TLCD4: variants seen among roughly 807,000 people sequenced by gnomAD.
TLCD4 encodes TLC domain containing 4, also known as TLC domain-containing protein 4.
In TLCD4, 7 loss-of-function variants were observed where a neutral mutation model predicts 24.2. The observed-to-expected ratio is 0.29, with a 90% CI of 0.16 to 0.54. TLCD4 has a LOEUF of 0.54. TLCD4 is among the 20% of genes least tolerant of loss of function. The pLI, the probability that TLCD4 is intolerant of heterozygous loss-of-function variation, is 0.95. For synonymous variants in TLCD4, 103 were observed against 106.4 expected, an observed-to-expected ratio of 0.97 and a Z score of 0.20; for missense variants, 259 against 313.9, an observed-to-expected ratio of 0.82 and a Z score of 1.32.
At chr1:95,170,820 TTC>T (rs1449400484) in intron 5 of TLCD4, among the ~76,000 whole-genome samples, 1 of 152,200 alleles carries the variant, frequency 6.6e-6, no homozygotes, top group Non-Finnish European at 1.5e-5. Flanking sequence ...AACAGAACAT[TTC>T]TCTTATTTTA....
chr1:95,185,282 G>A (rs1008258219), intron 6 of TLCD4, among the ~76,000 whole-genome samples: 3 of 152,138 alleles, frequency 2.0e-5, no homozygotes, highest in Admixed American at 6.5e-5. Flanking sequence ...GAACTTGGTA[G>A]AACAAGGGAA....
intron 6 of TLCD4, among the ~76,000 whole-genome samples, chr1:95,189,542 AC>A (rs1232654354): frequency 6.6e-6 from 1 of 152,152 alleles, no homozygotes; most frequent in Non-Finnish European, 1.5e-5. Context: ...CCCTTGTTTT[AC>A]CTACTCAATC....
At chr1:95,111,786 A>G in the TLCD4 span, among the ~76,000 whole-genome samples, 14 of 152,064 alleles carry the variant, frequency 9.2e-5, no homozygotes, top group African/African-American at 3.4e-4. Context: ...TCCCTTCTCC[A>G]CCTCATTCAG....
At chr1:95,092,570 A>T in the TLCD4 span, among the ~76,000 whole-genome samples, 2 of 152,274 alleles carry the variant, frequency 1.3e-5, no homozygotes, top group Admixed American at 6.5e-5. Flanking sequence ...CTCACTCTTT[A>T]GGTCTACACT....
chr1:95,152,273 T>C (rs1677514841), intron 5 of TLCD4, among the ~76,000 whole-genome samples: 1 of 152,082 alleles, frequency 6.6e-6, no homozygotes, highest in Non-Finnish European at 1.5e-5. Flanking sequence ...AGAAGGTTTT[T>C]TTCTATGCAG....
intron 6 of TLCD4, among the ~76,000 whole-genome samples, chr1:95,178,146 A>G (rs935029844): frequency 1.3e-5 from 2 of 151,566 alleles, no homozygotes; most frequent in African/African-American, 4.8e-5. Flanking sequence ...GGAGTTTCAC[A>G]GTGTTGCCCA....
chr1:95,122,090 G>C (rs943741497), intron 1 of TLCD4, among the ~76,000 whole-genome samples: 1 of 152,220 alleles, frequency 6.6e-6, no homozygotes, highest in South Asian at 2.1e-4. Flanking sequence ...GGTGGCTGGC[G>C]TGGTGGCTCA....
rs1165749486 is a variant in TLCD4, at chr1:95,191,825, A to T, written c.749A>T (p.Gln250Leu). ...GCIKVISHIR[Q>L]EKAKNSLQNG... is the part of the protein sequence containing the mutation. ...ATCAAAGTCATCTCTCACATCAGAC[A>T]AGAGAAAGCCAAAAATAGTCTTCAG... The change falls in exon 7 of 7, where the codon CAA becomes CTA. Residue 250 changes from glutamine (Q) to leucine (L), a missense_variant. Transcript: ENST00000370203. The T allele has an allele frequency of 2.5e-6, 4 of 1,614,038 alleles. No homozygotes were observed. In the South Asian group the frequency reaches 3.3e-5, roughly 13 times the overall value.
chr1:95,191,277 T>C (rs142528031), intron 6 of TLCD4, among the ~76,000 whole-genome samples: 2 of 152,280 alleles, frequency 1.3e-5, no homozygotes, highest in East Asian at 3.9e-4. Flanking sequence ...TTGAGTATAT[T>C]TGTGTGGGTC....
At chr1:95,134,283 G>A (rs1676987157) in intron 1 of TLCD4, among the ~76,000 whole-genome samples, 1 of 152,156 alleles carries the variant, frequency 6.6e-6, no homozygotes, top group Non-Finnish European at 1.5e-5. Context: ...CTTTGAGTAA[G>A]CAAAAGTGAT....
At chr1:95,173,948 A>G in intron 6 of TLCD4, 59 bp downstream of exon 6, 1 of 1,606,410 alleles carries the variant, frequency 6.2e-7, no homozygotes, top group Non-Finnish European at 8.5e-7. Context: ...TAGTTTGGGC[A>G]AATCCTTTTC....
At chr1:95,189,021 G>A (rs1417014626) in intron 6 of TLCD4, among the ~76,000 whole-genome samples, 1 of 152,094 alleles carries the variant, frequency 6.6e-6, no homozygotes, top group African/African-American at 2.4e-5. Flanking sequence ...GCTATATCAA[G>A]CTAAAATAGT....
At chr1:95,138,373 A>G (rs1571735300) in intron 1 of TLCD4, 1 of 152,222 alleles carries the variant, frequency 6.6e-6, no homozygotes, top group East Asian at 1.9e-4. Context: ...CCAGGGCCCT[A>G]TCTCTGGGAG....
At chr1:95,125,678 T>G (rs1161067104) in intron 1 of TLCD4, 3 of 152,186 alleles carry the variant, frequency 2.0e-5, no homozygotes, top group Non-Finnish European at 4.4e-5. Flanking sequence ...GGCTGTCTTC[T>G]CATTTTGGCC....
At chr1:95,095,751 C>T in the TLCD4 span, among the ~76,000 whole-genome samples, 12 of 152,250 alleles carry the variant, frequency 7.9e-5, no homozygotes, top group South Asian at 2.1e-3. Context: ...AAAGAAATCC[C>T]TCATAGTATT....
chr1:95,112,114 G>A, the TLCD4 span, among the ~76,000 whole-genome samples: 50 of 152,150 alleles, frequency 3.3e-4, 2 homozygotes, highest in South Asian at 3.1e-3. Flanking sequence ...CAGCATCCAT[G>A]GCTTCTACTC....
At chr1:95,121,631 G>T (rs554798141) in intron 1 of TLCD4, among the ~76,000 whole-genome samples, 1 of 152,000 alleles carries the variant, frequency 6.6e-6, no homozygotes, top group Admixed American at 6.6e-5. Flanking sequence ...CCACCACCCC[G>T]GGCTAATTTT....
intron 2 of TLCD4, among the ~76,000 whole-genome samples, chr1:95,144,561 T>C (rs1677296431): frequency 6.6e-6 from 1 of 151,988 alleles, no homozygotes; most frequent in Non-Finnish European, 1.5e-5. Context: ...TTTATTATTT[T>C]GTTATATAAT....
intron 5 of TLCD4, among the ~76,000 whole-genome samples, chr1:95,157,211 T>C (rs1363976028): frequency 6.6e-6 from 1 of 152,194 alleles, no homozygotes; most frequent in Non-Finnish European, 1.5e-5. Context: ...TATAATTATA[T>C]TATTTACTTA....
Sources: gnomAD v4.1 joint callset for allele counts (sites outside exome capture counted in the v4.1 genomes callset) on GRCh38, gnomAD v4.1.1 for gene constraint, MANE v1.5 for transcripts, NCBI Gene and HGNC (gene_info 2026-07-23, HGNC 2026-07-21) for gene names.